Variants in NAA35 observed in about 807,000 individuals in gnomAD.
The protein encoded by NAA35 is MAK10 homolog, amino-acid N-acetyltransferase subunit.
A neutral mutation model predicts 101.7 loss-of-function variants in NAA35; 18 were observed. That is an observed-to-expected ratio of 0.18 (90% CI 0.12 to 0.26). The LOEUF is 0.26. NAA35 is among the 10% of genes least tolerant of loss of function. NAA35 has a pLI of 1.00. For synonymous variants in NAA35, 267 were observed against 273.1 expected (o/e 0.98, Z 0.22); for missense variants, 601 against 886.8 (o/e 0.68, Z 4.09).
intron 12 of NAA35, among the ~76,000 whole-genome samples, chr9:86,000,938 A>AT (rs1236281583): frequency 6.6e-6 from 1 of 150,710 alleles, no homozygotes; most frequent in African/African-American, 2.4e-5. Context: ...TAGCTTGGAG[A>AT]TTTTTTTGTT....
At chr9:86,018,666 C>T (rs200548267) in intron 20 of NAA35, 33 bp from the exon 21 acceptor site, 56 of 1,594,782 alleles carry the variant, frequency 3.5e-5, no homozygotes, top group East Asian at 4.5e-5. Context: ...TCATATTAAA[C>T]GTGTTTTGAA....
chr9:85,963,318 T>A (rs1305325137), intron 6 of NAA35, among the ~76,000 whole-genome samples: 2 of 146,088 alleles, frequency 1.4e-5, no homozygotes, highest in Admixed American at 1.4e-4. Flanking sequence ...TTGCCCAGGT[T>A]GGAGTACAAT....
At chr9:85,971,964 T>G (rs1830017640) in intron 6 of NAA35, among the ~76,000 whole-genome samples, 2 of 152,310 alleles carry the variant, frequency 1.3e-5, no homozygotes, top group South Asian at 2.1e-4. Context: ...TCACTCTGAC[T>G]TCTGTCCTCA....
intron 11 of NAA35, among the ~76,000 whole-genome samples, chr9:85,989,366 G>C (rs1166325329): frequency 3.3e-5 from 5 of 152,140 alleles, no homozygotes; most frequent in Non-Finnish European, 7.3e-5. Flanking sequence ...AGCTGCTCGG[G>C]AGGTTGAGGC....
intron 6 of NAA35, among the ~76,000 whole-genome samples, chr9:85,970,517 G>T (rs1829956373): frequency 6.6e-6 from 1 of 152,126 alleles, no homozygotes; most frequent in Non-Finnish European, 1.5e-5. Flanking sequence ...TTAGTAATTG[G>T]ACAGATTGAC....
At chr9:85,994,085 T>A (rs547061202) in intron 11 of NAA35, among the ~76,000 whole-genome samples, 23 of 152,248 alleles carry the variant, frequency 1.5e-4, no homozygotes, top group Non-Finnish European at 2.9e-4. Context: ...CTCTCACCAA[T>A]GACTAGGGTA....
intron 11 of NAA35, among the ~76,000 whole-genome samples, chr9:85,981,553 A>T (rs1411851599): frequency 6.6e-6 from 1 of 152,174 alleles, no homozygotes; most frequent in Non-Finnish European, 1.5e-5. Context: ...GACCAGTGTT[A>T]AAAATAGCTT....
chr9:85,941,556 G>A lies in NAA35; in HGVS notation c.-6+283G>A, dbSNP rs370384155. ...TTATGCGCCCAGTGGGACCGGGGCTGGGCTGGGCTGACCCGGGCAGGGCGG... is the reference window on the plus strand; with the variant it reads ...TTATGCGCCCAGTGGGACCGGGGCTAGGCTGGGCTGACCCGGGCAGGGCGG... On this transcript the variant is annotated intron_variant, in intron 1 of 22. Coordinates refer to ENST00000361671, the MANE Select transcript of NAA35 (RefSeq NM_024635.4). 1.0e-5 allele frequency: 10 copies of A among 985,894 alleles called. No homozygotes were observed. In the African/African-American group the frequency reaches 1.4e-4, roughly 14 times the overall value. The allele number at this position is 985,894 out of a possible 1,614,324, so 61.1% of individuals were successfully genotyped here.
intron 2 of NAA35, among the ~76,000 whole-genome samples, chr9:85,945,591 T>TCTCGGCTCA (rs57640245): frequency 0.091 from 13,785 of 151,650 alleles, 2,030 homozygotes; most frequent in African/African-American, 0.31. Context: ...AGTGGTGCTG[T>TCTCGGCTCA]CTCGGCTCAC....
intron 11 of NAA35, among the ~76,000 whole-genome samples, chr9:85,982,674 A>G (rs1406204077): frequency 6.6e-6 from 1 of 152,212 alleles, no homozygotes; most frequent in Non-Finnish European, 1.5e-5. Context: ...CACAGTTTCA[A>G]GAGGACTTGT....
At chr9:85,946,669 AT>A (rs890208191) in intron 2 of NAA35, among the ~76,000 whole-genome samples, 32 of 138,744 alleles carry the variant, frequency 2.3e-4, no homozygotes, top group East Asian at 6.4e-4. Context: ...ACGTTATGAG[AT>A]TTTTTTTTTT....
At chr9:85,986,776 A>C (rs956973627) in intron 11 of NAA35, 2 of 267,754 alleles carry the variant, frequency 7.5e-6, no homozygotes, top group Admixed American at 5.2e-5. Flanking sequence ...TTTTTAGTGG[A>C]GACGGAGTTT....
intron 6 of NAA35, among the ~76,000 whole-genome samples, 165 bp from the exon 7 acceptor site, chr9:85,974,802 G>C: frequency 6.6e-6 from 1 of 152,132 alleles, no homozygotes; most frequent in Non-Finnish European, 1.5e-5. Flanking sequence ...TTCAAGAAAA[G>C]CTTGTGTGTA....
chr9:86,016,441 C>T (rs1242436572), intron 17 of NAA35, 98 bp from the exon 18 acceptor site: 3 of 1,021,120 alleles, frequency 2.9e-6, no homozygotes, highest in East Asian at 5.0e-5. Flanking sequence ...TTTTTAAAGA[C>T]CTAAAGCATT....
intron 2 of NAA35, among the ~76,000 whole-genome samples, chr9:85,943,478 G>C (rs1258165315): frequency 6.6e-6 from 1 of 152,090 alleles, no homozygotes; most frequent in Non-Finnish European, 1.5e-5. Context: ...GTAAAGACTT[G>C]GGGCACCTGC....
intron 2 of NAA35, among the ~76,000 whole-genome samples, chr9:85,955,360 ATTT>A (rs61549690): frequency 1.1e-4 from 6 of 53,940 alleles, no homozygotes; most frequent in African/African-American, 2.3e-4. Context: ...ATATATATAT[ATTT>A]TTTTTTTTTT....
chr9:86,017,376 C>A, intron 18 of NAA35, 122 bp from the exon 19 acceptor site: 1 of 736,194 alleles, frequency 1.4e-6, no homozygotes, highest in Non-Finnish European at 2.2e-6. Context: ...TGTAGGAACA[C>A]ACTGAAGTTT....
chr9:86,003,713 G>T, intron 13 of NAA35, 69 bp downstream of exon 13: 1 of 919,098 alleles, frequency 1.1e-6, no homozygotes, highest in East Asian at 2.7e-5. Context: ...TTTATTGATT[G>T]ATTGAACAAA....
chr9:85,953,731 A>G (rs1163325851), intron 2 of NAA35, among the ~76,000 whole-genome samples: 1 of 152,016 alleles, frequency 6.6e-6, no homozygotes, highest in African/African-American at 2.4e-5. Context: ...GCCTGGCCCT[A>G]CAGTATTATT....
Sources: gnomAD v4.1 joint callset for allele counts (sites outside exome capture counted in the v4.1 genomes callset) on GRCh38, gnomAD v4.1.1 for gene constraint, MANE v1.5 for transcripts, NCBI Gene and HGNC (gene_info 2026-07-23, HGNC 2026-07-21) for gene names.